The following NBAS variants were observed in gnomAD, a reference collection of about 807,000 sequenced individuals.
The protein encoded by NBAS is NAG/BC035112 fusion.
A neutral mutation model predicts 302.5 loss-of-function variants in NBAS; 219 were observed. The ratio of observed to expected loss-of-function variants is 0.72; its 90% CI spans 0.65 to 0.81. NBAS has a LOEUF of 0.81. Ranked by LOEUF, NBAS falls within the 30% of genes least tolerant of loss-of-function variation. The pLI is 0.00. For synonymous variants in NBAS, 1,118 were observed against 1,021.6 expected, an observed-to-expected ratio of 1.09 and a Z score of -1.80; for missense variants, 2,932 against 2,841.6, an observed-to-expected ratio of 1.03 and a Z score of -0.72.
chr2:14,953,749 CA>C, the NBAS span, among the ~76,000 whole-genome samples: 1 of 152,196 alleles, frequency 6.6e-6, no homozygotes, highest in African/African-American at 2.4e-5. Flanking sequence ...GAGTGACTCC[CA>C]GCATGGATTG....
chr2:15,033,978 G>GGAAAAGGAAGAA, the NBAS span, among the ~76,000 whole-genome samples: 1 of 63,272 alleles, frequency 1.6e-5, no homozygotes, highest in Non-Finnish European at 3.2e-5. Flanking sequence ...GAAGAAAAGA[G>GGAAAAGGAAGAA]GAAGAGGAAG....
the NBAS span, among the ~76,000 whole-genome samples, chr2:14,873,070 T>C: frequency 3.3e-5 from 5 of 152,148 alleles, no homozygotes; most frequent in South Asian, 2.1e-4. Context: ...CTAGCTCGGG[T>C]GGACTGCGTT....
At position 15,474,155 on chromosome 2, in the gene NBAS, G is replaced by A; in HGVS notation, c.1511C>T (p.Pro504Leu). The change falls in exon 15 of 52, where the codon CCA (proline) becomes CTA (leucine). Residue 504 changes from proline to leucine, a missense_variant. By Grantham distance (98) the Pro-to-Leu change is moderately conservative. Transcript: ENST00000281513. ...YLVTEMERFA[P>L]PRKRPRTITK... ...AATGGTTCGTGGGCGTTTCCGTGGT[G>A]GTGCAAATCGCTCCATTTCAGTCAC... 6.2e-7 allele frequency: 1 copy of A among 1,614,084 alleles called. No individual in the cohort carries two copies. Among genetic ancestry groups the A allele is most frequent in the Non-Finnish European group, 8.5e-7 (1 of 1,180,010 alleles).
intron 25 of NBAS, among the ~76,000 whole-genome samples, chr2:15,413,743 T>C (rs1398262977): frequency 6.6e-6 from 1 of 152,174 alleles, no homozygotes; most frequent in Non-Finnish European, 1.5e-5. Context: ...GGTCAGTCAC[T>C]GAAAACTTTC....
chr2:15,113,565 A>G, the NBAS span, among the ~76,000 whole-genome samples: 3 of 152,170 alleles, frequency 2.0e-5, no homozygotes, highest in African/African-American at 7.2e-5. Flanking sequence ...GGAGCTAAGT[A>G]GAAGAGATTC....
In NBAS at chr2:15,332,394, A is replaced by G. The variant is rs116525952; in HGVS notation, c.4180-1629T>C. On this transcript the variant is annotated intron_variant, in intron 35 of 51. Coordinates refer to ENST00000281513, the MANE Select transcript of NBAS (RefSeq NM_015909.4). Reference sequence around the variant, plus strand: ...ACAACAGCAGCAACAGAAAACAAATATATTATGTTAGGACACAAATAAATG... The same window carrying G: ...ACAACAGCAGCAACAGAAAACAAATGTATTATGTTAGGACACAAATAAATG... Among the ~76,000 whole-genome samples, 790 of 152,260 alleles carry G rather than the reference A, an allele frequency of 5.2e-3. 6 individuals carry two copies. The highest frequency in any genetic ancestry group is 0.018 in the African/African-American group (756 of 41,562).
At chr2:15,318,514 G>C (rs1463596646) in intron 38 of NBAS, among the ~76,000 whole-genome samples, 1 of 152,088 alleles carries the variant, frequency 6.6e-6, no homozygotes, top group East Asian at 1.9e-4. Context: ...CTCACGTGTA[G>C]AGTCATACAT....
chr2:15,265,376 C>T (rs1669032210), intron 44 of NBAS, among the ~76,000 whole-genome samples: 1 of 152,174 alleles, frequency 6.6e-6, no homozygotes, highest in African/African-American at 2.4e-5. Context: ...ATAATACTTG[C>T]TTAATAATCA....
chr2:15,170,428 A>G (rs568121994), intron 51 of NBAS, among the ~76,000 whole-genome samples: 20 of 152,202 alleles, frequency 1.3e-4, no homozygotes, highest in Admixed American at 2.0e-4. Flanking sequence ...ACGGAAATGA[A>G]ATGCATGCTT....
chr2:15,207,224 T>C (rs1424507999), intron 48 of NBAS, among the ~76,000 whole-genome samples: 1 of 152,196 alleles, frequency 6.6e-6, no homozygotes, highest in African/African-American at 2.4e-5. Context: ...GCTTTAAAAT[T>C]TAATGACTGC....
the NBAS span, among the ~76,000 whole-genome samples, chr2:15,010,365 T>C: frequency 6.6e-6 from 1 of 152,156 alleles, no homozygotes; most frequent in Middle Eastern, 3.2e-3. Flanking sequence ...GAGGAGTCTC[T>C]GGGAACAGAG....
chr2:15,093,180 C>T, the NBAS span, among the ~76,000 whole-genome samples: 911 of 152,224 alleles, frequency 6.0e-3, 9 homozygotes, highest in African/African-American at 0.021. Flanking sequence ...CTTTGGGAGG[C>T]GGAGGCGGGC....
chr2:15,297,068 T>C (rs1670581938), intron 40 of NBAS, among the ~76,000 whole-genome samples: 1 of 152,242 alleles, frequency 6.6e-6, no homozygotes, highest in Non-Finnish European at 1.5e-5. Flanking sequence ...GTCTTCAGGA[T>C]GGAACACGCC....
At chr2:15,541,761 G>A (rs1322480387) in intron 6 of NBAS, among the ~76,000 whole-genome samples, 2 of 145,818 alleles carry the variant, frequency 1.4e-5, no homozygotes, top group South Asian at 4.4e-4. Context: ...AGGTGGGGGG[G>A]TCAGCCCCCC....
At chr2:14,817,941 G>A in the NBAS span, among the ~76,000 whole-genome samples, 1 of 152,068 alleles carries the variant, frequency 6.6e-6, no homozygotes, top group Non-Finnish European at 1.5e-5. Context: ...AATATGTGAG[G>A]TTCGCTATTC....
chr2:14,847,016 T>C, the NBAS span, among the ~76,000 whole-genome samples: 1,092 of 152,110 alleles, frequency 7.2e-3, 8 homozygotes, highest in Non-Finnish European at 0.011. Context: ...TCAAAAGAAA[T>C]AGACTGGCTG....
intron 11 of NBAS, among the ~76,000 whole-genome samples, chr2:15,490,576 T>C (rs1680813627): frequency 6.6e-6 from 1 of 152,212 alleles, no homozygotes; most frequent in Non-Finnish European, 1.5e-5. Context: ...TCCATGGTTT[T>C]GTATAAGGCA....
the NBAS span, among the ~76,000 whole-genome samples, chr2:15,067,645 G>A: frequency 1.3e-5 from 2 of 152,028 alleles, no homozygotes; most frequent in African/African-American, 4.8e-5. Flanking sequence ...CAGAAACAGA[G>A]AGTAGAATGG....
the NBAS span, among the ~76,000 whole-genome samples, chr2:14,830,680 G>A: frequency 6.6e-6 from 1 of 152,156 alleles, no homozygotes. Flanking sequence ...CCTTGTGAGC[G>A]TGCAGCTGTG....
Sources: allele counts gnomAD v4.1 joint callset (sites outside exome capture counted in the v4.1 genomes callset), GRCh38; gene constraint gnomAD v4.1.1; transcripts MANE v1.5; gene names NCBI Gene and HGNC (gene_info 2026-07-23, HGNC 2026-07-21).